The following CACTIN variants were observed in gnomAD, a reference collection of about 807,000 sequenced individuals.
CACTIN encodes splicing factor Cactin.
Under a neutral mutation model 84.9 loss-of-function variants are expected in CACTIN, and 20 were observed. The ratio of observed to expected loss-of-function variants is 0.24; its 90% CI spans 0.17 to 0.34. The LOEUF is 0.34. Ranked by LOEUF, CACTIN falls within the 10% of genes least tolerant of loss-of-function variation. The probability of loss-of-function intolerance (pLI) is 1.00; values close to 1 mark genes in which losing one functional copy is unlikely to be tolerated. For synonymous variants in CACTIN, 549 were observed against 467.9 expected (o/e 1.17, Z -2.24); for missense variants, 897 against 1,117.2 (o/e 0.80, Z 2.81).
chr19:3,614,609 T>C lies in CACTIN; in HGVS notation c.1163-20A>G, dbSNP rs1568292171. The C allele has an allele frequency of 3.2e-6, 5 of 1,577,522 alleles. No individual in the cohort carries two copies. Among genetic ancestry groups the C allele is most frequent in the South Asian group, 2.3e-5 (2 of 86,630 alleles). ...GCTCACCTGCAGCGGGGTGGGGGCA[T>C]GGGGGGGCGGTTCCACATTTCCTAC... On this transcript the variant is annotated intron_variant, in intron 6 of 9. Coordinates refer to ENST00000429344, the MANE Select transcript of CACTIN (RefSeq NM_001080543.2).
intron 1 of CACTIN, among the ~76,000 whole-genome samples, chr19:3,625,555 T>TG (rs2033316624): frequency 2.0e-5 from 3 of 151,920 alleles, no homozygotes; most frequent in Non-Finnish European, 4.4e-5. Context: ...TATGGAGAAA[T>TG]CCCAGCTCTA....
In CACTIN at chr19:3,613,080, C is replaced by T. The variant is rs753136208; in HGVS notation, c.1764G>A (p.Ser588=). The change falls in exon 9 of 10, where the codon TCG becomes TCA. Residue 588 remains serine, a synonymous_variant. Coordinates refer to ENST00000429344, the MANE Select transcript of CACTIN (RefSeq NM_001080543.2). ...TACCCGTGACCTGGAGCTGCTGGCGCGAGAGCTGCAGGCGCTGCAGGTCCT... is the reference window on the plus strand; with the variant it reads ...TACCCGTGACCTGGAGCTGCTGGCGTGAGAGCTGCAGGCGCTGCAGGTCCT... ...PDEDLQRLQL[S]RQQLQVTGDA... 5 of 1,577,374 alleles carry T rather than the reference C, an allele frequency of 3.2e-6. No individual in the cohort carries two copies. The highest frequency in any genetic ancestry group is 2.7e-5 in the African/African-American group (2 of 74,282).
Position 3,624,054 on chromosome 19 carries a change from C to A in CACTIN, c.276G>T (p.Glu92Asp). Reference protein sequence around the residue: ...RDGSSQSDSGEEQSRGQWARR... With the variant: ...RDGSSQSDSGDEQSRGQWARR... Reference sequence around the variant, plus strand: ...GAGCCCACTGGCCCCGTGACTGCTCCTCTCCTGAGTCCGACTGAGAGGACC... The same window carrying A: ...GAGCCCACTGGCCCCGTGACTGCTCATCTCCTGAGTCCGACTGAGAGGACC... Residue 92 changes from glutamate (E) to aspartate (D), a missense_variant, in exon 2 of 10, where the codon GAG (glutamate) becomes GAT (aspartate). Coordinates refer to ENST00000429344, the MANE Select transcript of CACTIN (RefSeq NM_001080543.2). The A allele has an allele frequency of 6.9e-6, 11 of 1,604,784 alleles. No individual in the cohort carries two copies. The highest frequency in any genetic ancestry group is 9.3e-6 in the Non-Finnish European group (11 of 1,179,722).
Position 3,624,857 on chromosome 19 carries a change from G to T in CACTIN, c.168-695C>A, listed in dbSNP as rs60737085. ...GGGGCCTTTAATTTTATTTATTAGA[G>T]ACAAGGTCTACTAGACACAGAGTCT... On this transcript the variant is annotated intron_variant, in intron 1 of 9. Coordinates refer to ENST00000429344, the MANE Select transcript of CACTIN (RefSeq NM_001080543.2). Among the ~76,000 whole-genome samples the T allele has an allele frequency of 6.3e-4, 96 of 152,106 alleles. 1 individual carries two copies. Among genetic ancestry groups the T allele is most frequent in the African/African-American group, 2.3e-3 (95 of 41,456 alleles).
chr19:3,612,450 C>T, intron 9 of CACTIN, 37 bp from the exon 10 acceptor site: 1 of 1,538,916 alleles, frequency 6.5e-7, no homozygotes, highest in South Asian at 1.2e-5. Context: ...GCCTCGGCCT[C>T]CCCCTGGGTC....
At chr19:3,620,987 A>AT in intron 2 of CACTIN, 185 bp from the exon 3 acceptor site, 1 of 696,512 alleles carries the variant, frequency 1.4e-6, no homozygotes, top group East Asian at 2.7e-5. Context: ...CAGTGCAGAC[A>AT]TGGAGCCCCC....
At chr19:3,613,407 C>A (rs749800704) in intron 8 of CACTIN, 42 bp from the exon 9 acceptor site, 9 of 1,537,908 alleles carry the variant, frequency 5.9e-6, no homozygotes, top group Non-Finnish European at 7.9e-6. Context: ...CTGCCCACGG[C>A]CCCTCCATCC....
At chr19:3,622,774 C>T (rs978460702) in intron 2 of CACTIN, among the ~76,000 whole-genome samples, 12 of 152,192 alleles carry the variant, frequency 7.9e-5, no homozygotes, top group African/African-American at 1.9e-4. Flanking sequence ...AAATGGCAGG[C>T]GCAGAACGAA....
chr19:3,613,448 T>G lies in CACTIN; in HGVS notation c.1478+16A>C, dbSNP rs1397618782. ...CGCGTCTGCATCGGCGTCCCCGGGG[T>G]GCCGGCCGGGCCTACCTGCGGCTGG... On this transcript the variant is annotated intron_variant, in intron 8 of 9. Coordinates refer to ENST00000429344, the MANE Select transcript of CACTIN (RefSeq NM_001080543.2). 6.4e-7 allele frequency: 1 copy of G among 1,564,200 alleles called. No homozygotes were observed. Among genetic ancestry groups the G allele is most frequent in the East Asian group, 2.3e-5 (1 of 42,590 alleles).
chr19:3,620,733 C>G lies in CACTIN; in HGVS notation c.712G>C (p.Glu238Gln). 1 of 1,613,306 alleles carries G rather than the reference C, an allele frequency of 6.2e-7. No individual in the cohort carries two copies. Among genetic ancestry groups the G allele is most frequent in the Non-Finnish European group, 8.5e-7 (1 of 1,179,774 alleles). The stretch of plus-strand genomic sequence containing the variant: ...TTCTGCAGCTCCAGCCGGTTGTCCT[C>G]CTGGATCCTCTTGTTCCGCTCCTTC... ...ELKERNKRIQEDNRLELQKVK... is the reference protein window; with the variant it reads ...ELKERNKRIQQDNRLELQKVK... Residue 238 changes from glutamate to glutamine, a missense_variant, in exon 3 of 10, where the codon GAG becomes CAG. Physicochemically the swap from Glu to Gln is conservative, Grantham distance 29. This residue lies in a region of CACTIN where 304 missense variants were observed against 444.3 expected (regional missense o/e 0.68). Coordinates refer to ENST00000429344, the MANE Select transcript of CACTIN (RefSeq NM_001080543.2).
chr19:3,619,726 C>G (rs946095057), intron 4 of CACTIN, among the ~76,000 whole-genome samples: 1 of 152,072 alleles, frequency 6.6e-6, no homozygotes, highest in Non-Finnish European at 1.5e-5. Flanking sequence ...CAAGGGAACC[C>G]GTCACCAGGG....
chr19:3,626,557 G>A (rs769290612), intron 1 of CACTIN, 39 bp downstream of exon 1: 408 of 1,362,020 alleles, frequency 3.0e-4, no homozygotes, highest in Non-Finnish European at 3.6e-4. Flanking sequence ...TCCTGAGGTA[G>A]GAGCCGGATC....
rs1183000796 is a variant in CACTIN, at chr19:3,611,829, G to A, written c.*94C>T. 2.0e-6 allele frequency: 3 copies of A among 1,496,672 alleles called. No individual in the cohort carries two copies. Among genetic ancestry groups the A allele is most frequent in the Non-Finnish European group, 1.8e-6 (2 of 1,104,314 alleles). 92.7% of individuals were successfully genotyped at this position (1,496,672 alleles called of 1,614,324 possible). On this transcript the variant is annotated 3_prime_UTR_variant, in exon 10 of 10. Coordinates refer to ENST00000429344, the MANE Select transcript of CACTIN (RefSeq NM_001080543.2). ...AGGTGGGACGTGAACCCGCGGCCCTGCAGCCCAGACAGCGGCCCCGGAGTG... is the reference window on the plus strand; with the variant it reads ...AGGTGGGACGTGAACCCGCGGCCCTACAGCCCAGACAGCGGCCCCGGAGTG...
chr19:3,618,046 G>A (rs767151200), intron 6 of CACTIN, among the ~76,000 whole-genome samples: 6 of 152,220 alleles, frequency 3.9e-5, no homozygotes, highest in Non-Finnish European at 5.9e-5. Flanking sequence ...GGCCTGAGAG[G>A]GAGGGCAGGG....
At chr19:3,614,955 C>T (rs532086463) in intron 6 of CACTIN, 1 of 369,928 alleles carries the variant, frequency 2.7e-6, no homozygotes, top group African/African-American at 2.1e-5. Context: ...TGGCCCAACT[C>T]TGCCCTGGCC....
At chr19:3,613,689 G>C (rs561174240) in intron 7 of CACTIN, 103 bp from the exon 8 acceptor site, 2 of 1,473,560 alleles carry the variant, frequency 1.4e-6, no homozygotes, top group African/African-American at 2.8e-5. Flanking sequence ...ACCCTGAGAA[G>C]GTGGCGAGCA....
Position 3,612,356 on chromosome 19 carries a change from C to A in CACTIN, c.1844G>T (p.Gly615Val). ...CACGCTGAACTGCGCCTCGTCCTGG[C>A]CCATGCCCTCCTTGGCCCGCCGGAA... ...IFFRRAKEGM[G>V]QDEAQFSVEM... The change falls in exon 10 of 10, where the codon GGC becomes GTC. Residue 615 changes from glycine (G) to valine (V), a missense_variant. Around this residue, in one of 8 missense-constraint regions of CACTIN, gnomAD observed 243 missense variants for 239.9 expected, o/e 1.01. Transcript: ENST00000429344. 6.2e-7 allele frequency: 1 copy of A among 1,609,316 alleles called. No individual in the cohort carries two copies.
intron 2 of CACTIN, among the ~76,000 whole-genome samples, chr19:3,623,022 G>A (rs933070129): frequency 5.3e-5 from 8 of 152,118 alleles, no homozygotes; most frequent in Non-Finnish European, 8.8e-5. Flanking sequence ...AATCACTTGA[G>A]CTTAGGAGTT....
In CACTIN at chr19:3,612,193, C is replaced by T. The variant is rs1458055365; in HGVS notation, c.2007G>A (p.Pro669=). 4 of 1,613,384 alleles carry T rather than the reference C, an allele frequency of 2.5e-6. No homozygotes were observed. The highest frequency in any genetic ancestry group is 1.7e-5 in the Admixed American group (1 of 60,014). ...NQTHYDFDNP[P]PKIVQGYKFN... Reference sequence around the variant, plus strand: ...ACTTGTATCCCTGCACGATCTTGGGCGGTGGGTTGTCAAAGTCGTAGTGCG... The same window carrying T: ...ACTTGTATCCCTGCACGATCTTGGGTGGTGGGTTGTCAAAGTCGTAGTGCG... The change falls in exon 10 of 10, where the codon CCG becomes CCA. Residue 669 remains proline (P), a synonymous_variant. Coordinates refer to ENST00000429344, the MANE Select transcript of CACTIN (RefSeq NM_001080543.2).
Sources: gnomAD v4.1 joint callset for allele counts (sites outside exome capture counted in the v4.1 genomes callset) on GRCh38, gnomAD v4.1.1 for gene constraint, gnomAD v4.1.1 regional missense constraint, MANE v1.5 for transcripts, NCBI Gene and HGNC (gene_info 2026-07-23, HGNC 2026-07-21) for gene names.